CDK5RAP1: variants seen among roughly 807,000 people sequenced by gnomAD.
The protein encoded by CDK5RAP1 is CDK5RAP1 mitochondrial tRNA methylthiotransferase.
In CDK5RAP1, 62 loss-of-function variants were observed where a neutral mutation model predicts 64.5. The observed-to-expected ratio is 0.96, with a 90% CI of 0.78 to 1.19. The LOEUF (loss-of-function observed/expected upper bound fraction) is 1.19, where lower values mean the gene tolerates loss of function less well. Among genes scored for constraint, CDK5RAP1 ranks in the 50% most tolerant of loss-of-function variants. CDK5RAP1 has a pLI of 0.00. For synonymous variants in CDK5RAP1, 250 were observed against 261.9 expected (o/e 0.95, Z 0.44); for missense variants, 657 against 735.0 (o/e 0.89, Z 1.23).
At chr20:33,377,968 CG>C (rs1174040336) in intron 8 of CDK5RAP1, among the ~76,000 whole-genome samples, 10 of 152,160 alleles carry the variant, frequency 6.6e-5, no homozygotes, top group African/African-American at 2.2e-4. Context: ...CCATCACACC[CG>C]GCCAAAGAGG....
chr20:33,399,167 T>A (rs1384592676), intron 1 of CDK5RAP1, among the ~76,000 whole-genome samples: 1 of 152,062 alleles, frequency 6.6e-6, no homozygotes, highest in East Asian at 1.9e-4. Flanking sequence ...ATTTACTTTT[T>A]TTTTTTTTAA....
chr20:33,368,889 A>C (rs903897671), intron 11 of CDK5RAP1, among the ~76,000 whole-genome samples: 1 of 151,322 alleles, frequency 6.6e-6, no homozygotes, highest in Admixed American at 6.6e-5. Flanking sequence ...AAAAAAAAAG[A>C]ATTTCTCTTG....
intron 5 of CDK5RAP1, among the ~76,000 whole-genome samples, chr20:33,388,733 T>C (rs1987829231): frequency 6.6e-6 from 1 of 152,002 alleles, no homozygotes; most frequent in Non-Finnish European, 1.5e-5. Context: ...TGCCTGATTC[T>C]CCTGCCTCAA....
intron 7 of CDK5RAP1, among the ~76,000 whole-genome samples, chr20:33,385,272 T>C (rs1600769808): frequency 6.6e-6 from 1 of 152,200 alleles, no homozygotes; most frequent in Non-Finnish European, 1.5e-5. Context: ...AACTTAGCTA[T>C]GTGCCAGGTA....
At chr20:33,397,261 C>G (rs1197289022) in intron 1 of CDK5RAP1, among the ~76,000 whole-genome samples, 177 bp from the exon 2 acceptor site, 1 of 152,184 alleles carries the variant, frequency 6.6e-6, no homozygotes, top group Non-Finnish European at 1.5e-5. Context: ...TTGCCCAAGA[C>G]CACACAAAGG....
At chr20:33,379,317 C>A (rs1986439666) in intron 8 of CDK5RAP1, 144 bp downstream of exon 8, 2 of 621,204 alleles carry the variant, frequency 3.2e-6, no homozygotes, top group East Asian at 5.5e-5. Context: ...CTTCAAAGGA[C>A]CAGCAGATCT....
intron 7 of CDK5RAP1, among the ~76,000 whole-genome samples, chr20:33,379,926 CATT>C (rs1041839006): frequency 7.9e-5 from 12 of 152,178 alleles, no homozygotes; most frequent in African/African-American, 2.6e-4. Context: ...ATCTTCAAAA[CATT>C]ATTTAGAATC....
At chr20:33,389,495 G>A (rs935643857) in intron 5 of CDK5RAP1, among the ~76,000 whole-genome samples, 3 of 151,592 alleles carry the variant, frequency 2.0e-5, no homozygotes, top group African/African-American at 7.3e-5. Flanking sequence ...AGGGAGGTGG[G>A]GGTCAGCCCC....
chr20:33,385,600 C>T (rs1394980924), intron 7 of CDK5RAP1, 50 bp downstream of exon 7: 8 of 1,605,928 alleles, frequency 5.0e-6, no homozygotes, highest in Non-Finnish European at 6.8e-6. Context: ...AGGTTATCCT[C>T]ATCCTCCCCC....
rs758598698 is a variant in CDK5RAP1, at chr20:33,360,374, G to A, written c.1660C>T (p.Pro554Ser). The A allele has an allele frequency of 6.2e-7, 1 of 1,614,024 alleles. No individual in the cohort carries two copies. The highest frequency in any genetic ancestry group is 8.5e-7 in the Non-Finnish European group (1 of 1,179,900). The change falls in exon 13 of 14, where the codon CCT becomes TCT. Residue 554 changes from proline (P) to serine (S), a missense_variant. Coordinates refer to ENST00000346416, the MANE Select transcript of CDK5RAP1 (RefSeq NM_016408.4). Reference sequence around the variant, plus strand: ...ACCTTCACCAGCACATAGTCCCCAGGCTGGGCTCTGACCCTGAGCCCAGGG... The same window carrying A: ...ACCTTCACCAGCACATAGTCCCCAGACTGGGCTCTGACCCTGAGCCCAGGG... ...NNPGLRVRAQ[P>S]GDYVLVKITS...
At chr20:33,387,231 G>C in intron 6 of CDK5RAP1, 92 bp downstream of exon 6, 2 of 948,494 alleles carry the variant, frequency 2.1e-6, no homozygotes, top group Non-Finnish European at 3.2e-6. Context: ...ACTCCAGCCT[G>C]GATGACAAGA....
At position 33,379,699 on chromosome 20, in the gene CDK5RAP1, T is replaced by C; in HGVS notation, c.877-8A>G. 6.3e-7 allele frequency: 1 copy of C among 1,590,290 alleles called. No homozygotes were observed. Among genetic ancestry groups the C allele is most frequent in the South Asian group, 1.1e-5 (1 of 89,152 alleles). On this transcript the variant is annotated splice_region_variant and splice_polypyrimidine_tract_variant and intron_variant, in intron 7 of 13. Transcript: ENST00000346416. ...TGTCACTTCTTTCAGCCCCTAAACA[T>C]GGGAAAATATATTGGAATTTTAAAA... is the stretch of plus-strand genomic sequence containing the variant.
chr20:33,396,742 T>C lies in CDK5RAP1; in HGVS notation c.304+19A>G. The stretch of plus-strand genomic sequence containing the variant: ...GAGCAAGGCAGGAAGCCCAAAGGGA[T>C]AAGCGAAGTAAAACCAACCTTTTCT... On this transcript the variant is annotated intron_variant, in intron 2 of 13. Transcript: ENST00000346416. The C allele has an allele frequency of 6.3e-7, 1 of 1,585,658 alleles. No homozygotes were observed. Among genetic ancestry groups the C allele is most frequent in the Non-Finnish European group, 8.6e-7 (1 of 1,158,340 alleles).
intron 5 of CDK5RAP1, among the ~76,000 whole-genome samples, chr20:33,389,524 G>A (rs539532702): frequency 3.3e-5 from 5 of 151,514 alleles, no homozygotes; most frequent in East Asian, 2.0e-4. Context: ...CAGCCGACCC[G>A]TCAGGGAGGG....
At chr20:33,396,610 A>G in intron 2 of CDK5RAP1, 151 bp downstream of exon 2, 1 of 695,946 alleles carries the variant, frequency 1.4e-6, no homozygotes, top group South Asian at 1.8e-5. Flanking sequence ...GAGTTTCTTG[A>G]TATTAATATT....
chr20:33,378,924 A>G (rs1187034015), intron 8 of CDK5RAP1, among the ~76,000 whole-genome samples: 8 of 152,026 alleles, frequency 5.3e-5, no homozygotes, highest in African/African-American at 1.2e-4. Flanking sequence ...CTCCCGCTGA[A>G]TATCAGTCCT....
At chr20:33,388,249 G>GT (rs1174398223) in intron 5 of CDK5RAP1, among the ~76,000 whole-genome samples, 2 of 151,978 alleles carry the variant, frequency 1.3e-5, no homozygotes, top group Non-Finnish European at 2.9e-5. Context: ...GCTAAAACCT[G>GT]TAAGAAATGA....
At chr20:33,390,782 C>T (rs1380239242) in intron 5 of CDK5RAP1, among the ~76,000 whole-genome samples, 1 of 152,136 alleles carries the variant, frequency 6.6e-6, no homozygotes, top group Non-Finnish European at 1.5e-5. Context: ...GATCTGATAA[C>T]TAAATATGCT....
chr20:33,378,395 C>T (rs775325616), intron 8 of CDK5RAP1, among the ~76,000 whole-genome samples: 10 of 152,116 alleles, frequency 6.6e-5, no homozygotes, highest in Non-Finnish European at 1.0e-4. Context: ...TTAAGAATAA[C>T]ATTAAATAGC....
Sources: allele counts gnomAD v4.1 joint callset (sites outside exome capture counted in the v4.1 genomes callset), GRCh38; gene constraint gnomAD v4.1.1; transcripts MANE v1.5; gene names NCBI Gene and HGNC (gene_info 2026-07-23, HGNC 2026-07-21).